Variants in ANKS1B observed in about 807,000 individuals in gnomAD.
The protein encoded by ANKS1B is ankyrin repeat and sterile alpha motif domain-containing protein 1B.
Under a neutral mutation model 148.3 loss-of-function variants are expected in ANKS1B, and 36 were observed. The ratio of observed to expected loss-of-function variants is 0.24; its 90% CI spans 0.19 to 0.32. ANKS1B has a LOEUF of 0.32. ANKS1B is among the 10% of genes least tolerant of loss of function. ANKS1B has a pLI of 1.00. For synonymous variants in ANKS1B, 542 were observed against 560.8 expected (o/e 0.97, Z 0.47); for missense variants, 1,157 against 1,542.6 (o/e 0.75, Z 4.19).
At chr12:99,507,878 C>A (rs749779384) in intron 9 of ANKS1B, among the ~76,000 whole-genome samples, 2 of 151,634 alleles carry the variant, frequency 1.3e-5, no homozygotes, top group Non-Finnish European at 3.0e-5. Flanking sequence ...TAGAATATTA[C>A]CATTGTATCA....
At chr12:99,774,926 C>T (rs1317328517) in intron 7 of ANKS1B, among the ~76,000 whole-genome samples, 1 of 151,974 alleles carries the variant, frequency 6.6e-6, no homozygotes, top group East Asian at 1.9e-4. Flanking sequence ...TGCATGATCT[C>T]ACATGTGGAA....
chr12:98,742,373 T>C (rs1048678033), downstream of ANKS1B, among the ~76,000 whole-genome samples: 17 of 151,368 alleles, frequency 1.1e-4, no homozygotes, highest in African/African-American at 3.2e-4. Flanking sequence ...CAAACAAACA[T>C]AGGTCTCTGA....
At chr12:99,327,225 TA>T (rs1397251280) in intron 12 of ANKS1B, among the ~76,000 whole-genome samples, 1 of 118,470 alleles carries the variant, frequency 8.4e-6, no homozygotes, top group Non-Finnish European at 1.6e-5. Flanking sequence ...TAATATAATT[TA>T]TAATTATAAT....
chr12:99,026,122 T>A (rs2099948599), intron 17 of ANKS1B, among the ~76,000 whole-genome samples: 2 of 152,338 alleles, frequency 1.3e-5, no homozygotes, highest in South Asian at 4.1e-4. Flanking sequence ...ACGGATATAT[T>A]TTGTGTTTAT....
chr12:99,937,079 G>A (rs1308725896), intron 1 of ANKS1B, among the ~76,000 whole-genome samples: 2 of 152,230 alleles, frequency 1.3e-5, no homozygotes, highest in East Asian at 3.9e-4. Flanking sequence ...TTATCAATAC[G>A]CACATCTGGA....
chr12:98,978,986 C>CA (rs2099903542), intron 17 of ANKS1B, among the ~76,000 whole-genome samples: 1 of 151,472 alleles, frequency 6.6e-6, no homozygotes, highest in African/African-American at 2.4e-5. Context: ...ACTAAAAATG[C>CA]AAAAAATTAG....
intron 1 of ANKS1B, among the ~76,000 whole-genome samples, chr12:99,970,531 G>GAAA (rs5800395): frequency 1.4e-5 from 2 of 147,250 alleles, no homozygotes; most frequent in African/African-American, 2.5e-5. Context: ...CATTAAAATT[G>GAAA]AAAAAAAAAA....
intron 4 of ANKS1B, 81 bp downstream of exon 4, chr12:99,806,323 T>G (rs1275520742): frequency 6.6e-7 from 1 of 1,519,246 alleles, no homozygotes; most frequent in Non-Finnish European, 8.9e-7. Flanking sequence ...AAAAGATTTC[T>G]ACATACAGGT....
At chr12:98,943,358 T>A (rs550814) in intron 17 of ANKS1B, among the ~76,000 whole-genome samples, 128,516 of 152,206 alleles carry the variant, frequency 0.84, 54,793 homozygotes, top group Middle Eastern at 0.92. Flanking sequence ...TTCTATGGCC[T>A]TTATAACAAA....
intron 8 of ANKS1B, among the ~76,000 whole-genome samples, chr12:99,666,878 G>A (rs1191929500): frequency 7.0e-6 from 1 of 143,654 alleles, no homozygotes; most frequent in Non-Finnish European, 1.6e-5. Context: ...GTGTGTGTGT[G>A]TGTGTGTGTG....
intron 9 of ANKS1B, among the ~76,000 whole-genome samples, chr12:99,552,791 C>T (rs2097234737): frequency 6.6e-6 from 1 of 152,124 alleles, no homozygotes; most frequent in African/African-American, 2.4e-5. Context: ...TTACATATAA[C>T]CTATGAACAT....
intron 12 of ANKS1B, among the ~76,000 whole-genome samples, chr12:99,327,228 A>T (rs554274291): frequency 2.7e-4 from 29 of 108,770 alleles, no homozygotes; most frequent in African/African-American, 9.9e-4. Context: ...TATAATTTAT[A>T]ATTATAATAA....
At chr12:99,551,548 G>C (rs2097218572) in intron 9 of ANKS1B, among the ~76,000 whole-genome samples, 1 of 140,110 alleles carries the variant, frequency 7.1e-6, no homozygotes, top group Non-Finnish European at 1.6e-5. Flanking sequence ...GGGAGGGGAG[G>C]GGAGGGGAGG....
rs180736388 is a variant in ANKS1B, at chr12:99,698,931, C to T, written c.1129-43721G>A. 5.3e-5 allele frequency among the ~76,000 whole-genome samples: 8 copies of T among 152,068 alleles called. No homozygotes were observed. In the East Asian group the frequency reaches 1.6e-3, roughly 29 times the overall value. The stretch of plus-strand genomic sequence containing the variant: ...ATCAGATTGTGCTGGACTATCTTAT[C>T]TAGCTTGTTTTCTTCCTACTGCTGT... On this transcript the variant is annotated intron_variant, in intron 8 of 26. Transcript: ENST00000683438.
chr12:99,340,584 A>C (rs1404866593), intron 12 of ANKS1B, among the ~76,000 whole-genome samples: 1 of 151,904 alleles, frequency 6.6e-6, no homozygotes, highest in Non-Finnish European at 1.5e-5. Flanking sequence ...CCCCAGTACC[A>C]TTAGTAATAT....
At chr12:98,999,101 T>A (rs1396889306) in intron 17 of ANKS1B, among the ~76,000 whole-genome samples, 1 of 152,240 alleles carries the variant, frequency 6.6e-6, no homozygotes, top group African/African-American at 2.4e-5. Flanking sequence ...AGCACACTGC[T>A]GCATCTAGAA....
intron 17 of ANKS1B, among the ~76,000 whole-genome samples, chr12:98,977,800 T>C (rs1364466439): frequency 2.6e-5 from 4 of 152,106 alleles, no homozygotes; most frequent in Non-Finnish European, 5.9e-5. Context: ...TTTAAATATC[T>C]GAAATAGCAG....
intron 4 of ANKS1B, among the ~76,000 whole-genome samples, chr12:99,800,239 A>G (rs1394721169): frequency 1.3e-5 from 2 of 152,032 alleles, no homozygotes; most frequent in Admixed American, 6.6e-5. Context: ...ATTCACGCAC[A>G]GAAGAAAGGC....
At chr12:99,800,588 G>T (rs12318275) in intron 4 of ANKS1B, among the ~76,000 whole-genome samples, 3 of 151,988 alleles carry the variant, frequency 2.0e-5, no homozygotes, top group Non-Finnish European at 4.4e-5. Flanking sequence ...ATTTGCTGAA[G>T]AACTGAATGT....
Sources: gnomAD v4.1 joint callset for allele counts (sites outside exome capture counted in the v4.1 genomes callset) on GRCh38, gnomAD v4.1.1 for gene constraint, MANE v1.5 for transcripts, NCBI Gene and HGNC (gene_info 2026-07-23, HGNC 2026-07-21) for gene names.